The following VAMP7 variants were observed in gnomAD, a reference collection of about 807,000 sequenced individuals.
The protein encoded by VAMP7 is vesicle associated membrane protein 7.
VAMP7 carries 14 observed loss-of-function variants against 29.6 expected under a neutral mutation model. That is an observed-to-expected ratio of 0.47 (90% CI 0.31 to 0.74). The LOEUF (loss-of-function observed/expected upper bound fraction) is 0.74, where lower values mean the gene tolerates loss of function less well. VAMP7 is among the 30% of genes least tolerant of loss of function. The pLI is 0.05. For missense variants in VAMP7, 223 were observed against 262.4 expected (o/e 0.85, Z 1.04); for synonymous variants, 95 against 88.1 (o/e 1.08, Z -0.44).
Position 155,907,455 on chromosome X carries a change from A to G in VAMP7, c.433+6868A>G, listed in dbSNP as rs371921507. Among the ~76,000 whole-genome samples, 110 of 151,596 alleles carry G rather than the reference A, an allele frequency of 7.3e-4. No individual in the cohort carries two copies. In the East Asian group the frequency reaches 0.017, roughly 23 times the overall value. ...GTGTTTGTGTCCCTGGGTACTTGAG[A>G]TTAGGGAGTGGTGATGACTCTTAAC... On this transcript the variant is annotated intron_variant, in intron 5 of 7. Transcript: ENST00000286448.
At chrX:155,903,393 G>T (rs187822989) in intron 5 of VAMP7, among the ~76,000 whole-genome samples, 412 of 152,160 alleles carry the variant, frequency 2.7e-3, no homozygotes, top group African/African-American at 9.6e-3. Flanking sequence ...CACAGCAAAA[G>T]AAACTACTAT....
chrX:155,899,013 T>C (rs2066024456), intron 4 of VAMP7, among the ~76,000 whole-genome samples: 1 of 152,058 alleles, frequency 6.6e-6, no homozygotes, highest in African/African-American at 2.4e-5. Context: ...TATATGCATA[T>C]ACCACAATTT....
At chrX:155,931,073 G>C (rs1029026823) in intron 6 of VAMP7, among the ~76,000 whole-genome samples, 2 of 152,164 alleles carry the variant, frequency 1.3e-5, no homozygotes, top group African/African-American at 4.8e-5. Context: ...GTATTTCATA[G>C]TGTATACGTG....
intron 2 of VAMP7, among the ~76,000 whole-genome samples, chrX:155,892,559 T>G (rs2065937535): frequency 6.6e-6 from 1 of 152,092 alleles, no homozygotes; most frequent in Non-Finnish European, 1.5e-5. Context: ...AGCTGTTACC[T>G]TTTACTGGAA....
chrX:155,940,302 C>T (rs2066725120), intron 7 of VAMP7, among the ~76,000 whole-genome samples: 1 of 152,050 alleles, frequency 6.6e-6, no homozygotes, highest in Admixed American at 6.6e-5. Context: ...AGTTGCCTTT[C>T]CTCCCCATCC....
chrX:155,897,692 G>A (rs1185149338), intron 3 of VAMP7, among the ~76,000 whole-genome samples: 1 of 152,064 alleles, frequency 6.6e-6, no homozygotes, highest in Non-Finnish European at 1.5e-5. Context: ...AATTCGATTT[G>A]AAGTTAATAT....
intron 5 of VAMP7, among the ~76,000 whole-genome samples, chrX:155,902,287 C>A (rs2066074422): frequency 1.3e-5 from 2 of 152,062 alleles, no homozygotes; most frequent in South Asian, 4.2e-4. Flanking sequence ...ATGGGGTTTT[C>A]TAGATATACA....
In VAMP7 at chrX:155,943,543, G is replaced by C. The variant is rs1053712211; in HGVS notation, c.*1592G>C. 1 of 152,070 alleles carries C rather than the reference G, an allele frequency of 6.6e-6. No homozygotes were observed. The highest frequency in any genetic ancestry group is 2.4e-5 in the African/African-American group (1 of 41,300). 9.4% of individuals were successfully genotyped at this position (152,070 alleles called of 1,614,324 possible). ...ATACATCTGTTCCAGAAAAACATTT[G>C]GCATTCCTGAATAATTTCCAAATGT... On this transcript the variant is annotated 3_prime_UTR_variant, in exon 8 of 8. Transcript: ENST00000286448.
In VAMP7 at chrX:155,939,712, C is replaced by G. The variant is rs1325046086; in HGVS notation, c.513C>G (p.Phe171Leu). ...TENLVDSSVT[F>L]KTTSRNLARA... ...CGCCTCTTTTCTAGTCTGTCACCTT[C>G]AAAACTACCAGCAGAAATCTTGCTC... Residue 171 changes from phenylalanine (F) to leucine (L), a missense_variant, in exon 7 of 8, where the codon TTC (phenylalanine) becomes TTG (leucine). By Grantham distance (22) the Phe-to-Leu change is conservative. Coordinates refer to ENST00000286448, the MANE Select transcript of VAMP7 (RefSeq NM_005638.6). The G allele has an allele frequency of 4.3e-6, 7 of 1,613,692 alleles. No individual in the cohort carries two copies. The highest frequency in any genetic ancestry group is 3.3e-5 in the Admixed American group (2 of 59,994).
chrX:155,896,074 G>A (rs1239233389), intron 3 of VAMP7, among the ~76,000 whole-genome samples: 3 of 152,194 alleles, frequency 2.0e-5, no homozygotes, highest in Non-Finnish European at 4.4e-5. Context: ...TGCCAAAAAG[G>A]TTGGGGACTG....
intron 6 of VAMP7, among the ~76,000 whole-genome samples, chrX:155,937,196 T>G (rs1166261271): frequency 6.6e-6 from 1 of 152,156 alleles, no homozygotes; most frequent in African/African-American, 2.4e-5. Context: ...TGATTTCACT[T>G]ATATATGGAA....
At chrX:155,914,669 G>T (rs892885802) in intron 5 of VAMP7, among the ~76,000 whole-genome samples, 1 of 152,136 alleles carries the variant, frequency 6.6e-6, no homozygotes, top group Non-Finnish European at 1.5e-5. Context: ...TACGTTTATT[G>T]ATTTGCGTAT....
At chrX:155,887,226 G>A (rs1224472637) in intron 1 of VAMP7, among the ~76,000 whole-genome samples, 1 of 151,690 alleles carries the variant, frequency 6.6e-6, no homozygotes, top group African/African-American at 2.4e-5. Context: ...TTTATCTTTG[G>A]CACTATTTTT....
Position 155,941,872 on chromosome X carries a change from C to T in VAMP7, c.595-11C>T, listed in dbSNP as rs778336440. On this transcript the variant is annotated splice_polypyrimidine_tract_variant and intron_variant, in intron 7 of 7. Coordinates refer to ENST00000286448, the MANE Select transcript of VAMP7 (RefSeq NM_005638.6). ...TTCAAGAAAATAAAATTGCTCTCCT[C>T]GTCCCTCCAGGTGTTCATCTATATC... 13 of 1,612,002 alleles carry T rather than the reference C, an allele frequency of 8.1e-6. No individual in the cohort carries two copies. Among genetic ancestry groups the T allele is most frequent in the East Asian group, 6.7e-5 (3 of 44,842 alleles).
intron 6 of VAMP7, 107 bp downstream of exon 6, chrX:155,919,987 T>C: frequency 1.1e-6 from 1 of 927,516 alleles, no homozygotes; most frequent in South Asian, 1.6e-5. Flanking sequence ...TGGTGGTTTT[T>C]TTTTCTTTCT....
At chrX:155,930,257 C>A (rs1328018801) in intron 6 of VAMP7, among the ~76,000 whole-genome samples, 2 of 152,142 alleles carry the variant, frequency 1.3e-5, no homozygotes, top group Non-Finnish European at 2.9e-5. Flanking sequence ...GATCCAAAGC[C>A]TCCTAAATCA....
chrX:155,894,692 T>C (rs1386942978), intron 2 of VAMP7, among the ~76,000 whole-genome samples: 1 of 152,118 alleles, frequency 6.6e-6, no homozygotes, highest in Non-Finnish European at 1.5e-5. Flanking sequence ...CTCAGCTTAC[T>C]ACAGCCTCAA....
At chrX:155,937,450 G>A (rs1432858915) in intron 6 of VAMP7, among the ~76,000 whole-genome samples, 1 of 152,166 alleles carries the variant, frequency 6.6e-6, no homozygotes, top group Non-Finnish European at 1.5e-5. Context: ...TATGTGAGGT[G>A]ATGGATATTT....
chrX:155,936,158 G>C (rs1222375614), intron 6 of VAMP7, among the ~76,000 whole-genome samples: 1 of 152,154 alleles, frequency 6.6e-6, no homozygotes, highest in Non-Finnish European at 1.5e-5. Flanking sequence ...GGACCCACTT[G>C]AGGAGGCAGT....
Sources: allele counts gnomAD v4.1 joint callset (sites outside exome capture counted in the v4.1 genomes callset), GRCh38; gene constraint gnomAD v4.1.1; transcripts MANE v1.5; gene names NCBI Gene and HGNC (gene_info 2026-07-23, HGNC 2026-07-21).